Variants in ST6GALNAC3 observed in about 807,000 individuals in gnomAD.
The protein encoded by ST6GALNAC3 is ST6 N-acetylgalactosaminide alpha-2,6-sialyltransferase 3, also known as alpha-N-acetylgalactosaminide alpha-2,6-sialyltransferase 3.
ST6GALNAC3 carries 25 observed loss-of-function variants against 32.7 expected under a neutral mutation model. The ratio of observed to expected loss-of-function variants is 0.76; its 90% CI spans 0.56 to 1.07. ST6GALNAC3 has a LOEUF of 1.07. ST6GALNAC3 is among the 50% of genes least tolerant of loss of function. ST6GALNAC3 has a pLI of 0.00. For synonymous variants in ST6GALNAC3, 129 were observed against 133.1 expected, an observed-to-expected ratio of 0.97 and a Z score of 0.21; for missense variants, 355 against 382.4, an observed-to-expected ratio of 0.93 and a Z score of 0.60.
chr1:76,420,692 TA>T (rs1654970852), intron 3 of ST6GALNAC3, among the ~76,000 whole-genome samples: 1 of 152,114 alleles, frequency 6.6e-6, no homozygotes, highest in Middle Eastern at 3.2e-3. Flanking sequence ...ACCACTGCTC[TA>T]GTTTAGGCCT....
chr1:76,356,755 A>G (rs1649485663), intron 2 of ST6GALNAC3, among the ~76,000 whole-genome samples: 1 of 152,234 alleles, frequency 6.6e-6, no homozygotes, highest in African/African-American at 2.4e-5. Context: ...TAGGATACAT[A>G]GATAATGCAC....
intron 1 of ST6GALNAC3, among the ~76,000 whole-genome samples, chr1:76,298,594 C>T (rs893384488): frequency 8.6e-5 from 13 of 151,984 alleles, no homozygotes; most frequent in African/African-American, 2.4e-4. Context: ...GTGAAGGGGC[C>T]CTGTCCCAGT....
At chr1:76,183,851 AATATATAT>A (rs71071991) in intron 1 of ST6GALNAC3, among the ~76,000 whole-genome samples, 2 of 118,600 alleles carry the variant, frequency 1.7e-5, no homozygotes, top group South Asian at 5.5e-4. Context: ...GTAGTGCATG[AATATATAT>A]ATATATATAT....
intron 1 of ST6GALNAC3, among the ~76,000 whole-genome samples, chr1:76,157,644 C>T (rs1651542415): frequency 6.6e-6 from 1 of 152,120 alleles, no homozygotes; most frequent in South Asian, 2.1e-4. Flanking sequence ...CCCTGACTGC[C>T]TAAATGATTT....
intron 1 of ST6GALNAC3, among the ~76,000 whole-genome samples, chr1:76,199,389 T>C (rs2100534299): frequency 6.6e-6 from 1 of 152,350 alleles, no homozygotes; most frequent in South Asian, 2.1e-4. Context: ...GAAAATTCCC[T>C]GGAGTTGATG....
chr1:76,360,413 T>C (rs188473145), intron 2 of ST6GALNAC3, among the ~76,000 whole-genome samples: 326 of 152,320 alleles, frequency 2.1e-3, no homozygotes, highest in African/African-American at 7.3e-3. Context: ...CCAAGCTTTG[T>C]TAATTTTGTC....
At chr1:76,184,539 A>G in intron 1 of ST6GALNAC3, among the ~76,000 whole-genome samples, 1 of 150,606 alleles carries the variant, frequency 6.6e-6, no homozygotes. Flanking sequence ...ACACACACAC[A>G]CACACACACA....
intron 1 of ST6GALNAC3, among the ~76,000 whole-genome samples, chr1:76,262,714 G>C (rs551448462): frequency 6.6e-6 from 1 of 152,216 alleles, no homozygotes; most frequent in South Asian, 2.1e-4. Context: ...ACAAACAAGC[G>C]GGTAGTAATT....
At chr1:76,472,295 C>T (rs1386297491) in intron 3 of ST6GALNAC3, among the ~76,000 whole-genome samples, 4 of 152,154 alleles carry the variant, frequency 2.6e-5, no homozygotes, top group Non-Finnish European at 5.9e-5. Context: ...CTTTCTCTCT[C>T]TTTTTTCTTT....
chr1:76,436,944 G>A (rs1385273502), intron 3 of ST6GALNAC3, among the ~76,000 whole-genome samples: 1 of 152,064 alleles, frequency 6.6e-6, no homozygotes, highest in Non-Finnish European at 1.5e-5. Context: ...TAGGAATTTT[G>A]TTTTCAATCT....
chr1:76,246,461 G>C (rs1025561856), intron 1 of ST6GALNAC3, among the ~76,000 whole-genome samples: 1 of 152,154 alleles, frequency 6.6e-6, no homozygotes, highest in Non-Finnish European at 1.5e-5. Flanking sequence ...CTTGATGCTA[G>C]CTGGTTATTT....
chr1:76,485,087 G>A (rs1660017798), intron 3 of ST6GALNAC3, among the ~76,000 whole-genome samples: 1 of 152,120 alleles, frequency 6.6e-6, no homozygotes, highest in Admixed American at 6.5e-5. Flanking sequence ...TGATCATGGT[G>A]GATAAGCTTT....
intron 1 of ST6GALNAC3, among the ~76,000 whole-genome samples, chr1:76,171,413 A>G (rs1350489468): frequency 6.6e-6 from 1 of 152,076 alleles, no homozygotes; most frequent in Admixed American, 6.6e-5. Context: ...AGAAACTAAA[A>G]CAAGTAACTA....
chr1:76,584,715 A>T (rs1255690550), intron 3 of ST6GALNAC3, among the ~76,000 whole-genome samples: 1 of 152,244 alleles, frequency 6.6e-6, no homozygotes, highest in Non-Finnish European at 1.5e-5. Context: ...AACTGGCATG[A>T]GTCATGCTAG....
At chr1:76,221,373 G>T (rs1013252145) in intron 1 of ST6GALNAC3, among the ~76,000 whole-genome samples, 1 of 152,152 alleles carries the variant, frequency 6.6e-6, no homozygotes, top group Non-Finnish European at 1.5e-5. Context: ...ATGCCCTGGG[G>T]TCAATTATTT....
chr1:76,354,749 G>A (rs564725631), intron 2 of ST6GALNAC3, among the ~76,000 whole-genome samples: 1 of 152,254 alleles, frequency 6.6e-6, no homozygotes, highest in Non-Finnish European at 1.5e-5. Context: ...GAACTTCTAA[G>A]AGTGTTGGTT....
chr1:76,094,256 G>A (rs887855367), intron 1 of ST6GALNAC3, among the ~76,000 whole-genome samples: 1 of 152,128 alleles, frequency 6.6e-6, no homozygotes, highest in Admixed American at 6.5e-5. Flanking sequence ...GGGAGATCAC[G>A]GTCAAGATGA....
rs1192641282 is a variant in ST6GALNAC3, at chr1:76,225,871, C to T, written c.19-87934C>T. 2.6e-5 allele frequency among the ~76,000 whole-genome samples: 4 copies of T among 152,118 alleles called. No individual in the cohort carries two copies. In the South Asian group the frequency reaches 6.2e-4, roughly 24 times the overall value. On this transcript the variant is annotated intron_variant, in intron 1 of 4. Coordinates refer to ENST00000328299, the MANE Select transcript of ST6GALNAC3 (RefSeq NM_152996.4). ...GCTTTTTCTACTCAGCTTAGGACCC[C>T]AATTATTACTTACTAGCCTCATTTC...
At chr1:76,573,203 A>G (rs1007373638) in intron 3 of ST6GALNAC3, among the ~76,000 whole-genome samples, 2 of 152,036 alleles carry the variant, frequency 1.3e-5, no homozygotes, top group Admixed American at 6.6e-5. Flanking sequence ...TTCTACAGAC[A>G]CTTTTTAAGC....
Sources: gnomAD v4.1 joint callset for allele counts (sites outside exome capture counted in the v4.1 genomes callset) on GRCh38, gnomAD v4.1.1 for gene constraint, MANE v1.5 for transcripts, NCBI Gene and HGNC (gene_info 2026-07-23, HGNC 2026-07-21) for gene names.